Variants in NECAB1 observed in about 807,000 individuals in gnomAD.
NECAB1 encodes N-terminal EF-hand calcium binding protein 1, also known as N-terminal EF-hand calcium-binding protein 1.
A neutral mutation model predicts 57.5 loss-of-function variants in NECAB1; 29 were observed. The ratio of observed to expected loss-of-function variants is 0.50; its 90% CI spans 0.38 to 0.69. The LOEUF (loss-of-function observed/expected upper bound fraction) is 0.69, where lower values mean the gene tolerates loss of function less well. Ranked by LOEUF, NECAB1 falls within the 30% of genes least tolerant of loss-of-function variation. NECAB1 has a pLI of 0.00. For missense variants in NECAB1, 372 were observed against 413.8 expected (o/e 0.90, Z 0.88); for synonymous variants, 142 against 147.7 (o/e 0.96, Z 0.28).
intron 2 of NECAB1, chr8:90,813,166 C>T (rs796922118): frequency 3.3e-5 from 5 of 151,050 alleles, no homozygotes; most frequent in African/African-American, 1.2e-4. Flanking sequence ...CCAACCTGGG[C>T]GAAAGAGCGA....
chr8:90,923,590 C>T (rs1029614686), intron 6 of NECAB1, among the ~76,000 whole-genome samples: 4 of 152,076 alleles, frequency 2.6e-5, no homozygotes, highest in Non-Finnish European at 5.9e-5. Context: ...ATGGGGTCAA[C>T]CAAAAGGACA....
chr8:90,833,254 A>G (rs568918081), intron 3 of NECAB1, among the ~76,000 whole-genome samples: 5 of 151,912 alleles, frequency 3.3e-5, no homozygotes, highest in African/African-American at 9.7e-5. Context: ...TATTTTCTCT[A>G]TTGCTCTTCA....
chr8:90,848,721 A>G (rs1268853151), intron 3 of NECAB1, among the ~76,000 whole-genome samples: 1 of 152,172 alleles, frequency 6.6e-6, no homozygotes, highest in African/African-American at 2.4e-5. Flanking sequence ...GCAATGGCTC[A>G]TGTCTGTAAT....
At chr8:90,806,635 T>C (rs1341673306) in intron 2 of NECAB1, 2 of 152,250 alleles carry the variant, frequency 1.3e-5, no homozygotes, top group Non-Finnish European at 2.9e-5. Context: ...GAACATAGGC[T>C]TTGAGGTCAC....
At chr8:90,878,930 TAGTA>T (rs1209512894) in intron 4 of NECAB1, among the ~76,000 whole-genome samples, 75 of 147,862 alleles carry the variant, frequency 5.1e-4, no homozygotes, top group Middle Eastern at 3.6e-3. Flanking sequence ...TATATATATA[TAGTA>T]AGTATTTTCT....
At chr8:90,894,557 T>C (rs997063539) in intron 5 of NECAB1, among the ~76,000 whole-genome samples, 5 of 152,174 alleles carry the variant, frequency 3.3e-5, no homozygotes, top group East Asian at 1.9e-4. Flanking sequence ...ATATAATGCA[T>C]GTAGGGGGTC....
intron 2 of NECAB1, among the ~76,000 whole-genome samples, chr8:90,817,663 C>A (rs1324527348): frequency 1.3e-5 from 2 of 151,476 alleles, no homozygotes; most frequent in African/African-American, 4.8e-5. Context: ...AATTAAATTC[C>A]ACTTGATCTT....
intron 4 of NECAB1, among the ~76,000 whole-genome samples, chr8:90,879,078 TTA>T (rs1393035128): frequency 6.8e-5 from 9 of 132,262 alleles, no homozygotes; most frequent in South Asian, 2.1e-4. Flanking sequence ...ATAATATATA[TTA>T]TATATATTAT....
At chr8:90,910,367 T>G (rs954454889) in intron 5 of NECAB1, among the ~76,000 whole-genome samples, 13 of 152,170 alleles carry the variant, frequency 8.5e-5, no homozygotes, top group African/African-American at 2.9e-4. Context: ...GGATTTGACC[T>G]TAATAATTTT....
chr8:90,869,645 T>C (rs1287837472), intron 3 of NECAB1, among the ~76,000 whole-genome samples: 1 of 152,210 alleles, frequency 6.6e-6, no homozygotes, highest in Admixed American at 6.5e-5. Context: ...CGATTTCTCC[T>C]TTTTGGAATA....
chr8:90,838,817 C>T (rs1812411062), intron 3 of NECAB1, among the ~76,000 whole-genome samples: 1 of 152,196 alleles, frequency 6.6e-6, no homozygotes, highest in Non-Finnish European at 1.5e-5. Flanking sequence ...ACAGAAATCT[C>T]CCTTTCACAG....
chr8:90,904,452 T>A (rs1358312360), intron 5 of NECAB1, among the ~76,000 whole-genome samples: 1 of 151,798 alleles, frequency 6.6e-6, no homozygotes, highest in African/African-American at 2.4e-5. Flanking sequence ...TTGCTAAACA[T>A]TTAAAAAATA....
At chr8:90,871,989 A>G (rs1045268330) in intron 3 of NECAB1, 139 bp from the exon 4 acceptor site, 41 of 637,632 alleles carry the variant, frequency 6.4e-5, no homozygotes, top group Non-Finnish European at 3.0e-5. Context: ...ATAATGTAGA[A>G]TTTATAAGAG....
At chr8:90,931,477 T>C (rs971235385) in intron 8 of NECAB1, among the ~76,000 whole-genome samples, 2 of 152,220 alleles carry the variant, frequency 1.3e-5, no homozygotes, top group African/African-American at 2.4e-5. Context: ...TCTATGCATG[T>C]AGGGGAATAT....
In NECAB1 at chr8:90,957,590, T is replaced by C. The variant is rs1282842265; in HGVS notation, c.*2078T>C. The C allele has an allele frequency of 6.6e-6, 1 of 151,206 alleles. No individual in the cohort carries two copies. The highest frequency in any genetic ancestry group is 1.5e-5 in the Non-Finnish European group (1 of 67,642). 9.4% of individuals were successfully genotyped at this position (151,206 alleles called of 1,614,324 possible). On this transcript the variant is annotated 3_prime_UTR_variant, in exon 13 of 13. Transcript: ENST00000417640. ...TATTTTTGTGTATGTTTGTGAGAGT[T>C]GTATGTATGTGAATGTGTGTGAGTG...
At chr8:90,856,707 T>C (rs2129794690) in intron 3 of NECAB1, among the ~76,000 whole-genome samples, 1 of 152,316 alleles carries the variant, frequency 6.6e-6, no homozygotes, top group East Asian at 1.9e-4. Flanking sequence ...TTAAAAGAAC[T>C]ACAGGTCTAT....
chr8:90,945,801 C>T (rs932270399), intron 10 of NECAB1, among the ~76,000 whole-genome samples: 32 of 152,154 alleles, frequency 2.1e-4, no homozygotes, highest in Admixed American at 2.0e-3. Context: ...TCCCAAAGCT[C>T]GAGGTTGAAG....
intron 3 of NECAB1, among the ~76,000 whole-genome samples, chr8:90,840,279 C>T (rs574234392): frequency 6.6e-5 from 10 of 152,294 alleles, no homozygotes; most frequent in Admixed American, 4.6e-4. Context: ...TAACGGTTAA[C>T]GTTTACCATG....
At position 90,796,554 on chromosome 8, in the gene NECAB1, T is replaced by G. The variant is rs188703535; in HGVS notation, c.99+4569T>G. ...AACTTAAAGTGATGAATAAGGAATTTTAGTTGAGGCCATCAAAGAATATTT... is the reference window on the plus strand; with the variant it reads ...AACTTAAAGTGATGAATAAGGAATTGTAGTTGAGGCCATCAAAGAATATTT... On this transcript the variant is annotated intron_variant, in intron 1 of 12. Coordinates refer to ENST00000417640, the MANE Select transcript of NECAB1 (RefSeq NM_022351.5). Among the ~76,000 whole-genome samples, 416 of 152,354 alleles carry G rather than the reference T, an allele frequency of 2.7e-3. 1 individual carries two copies. Among genetic ancestry groups the G allele is most frequent in the African/African-American group, 9.1e-3 (379 of 41,592 alleles).
Sources: gnomAD v4.1 joint callset for allele counts (sites outside exome capture counted in the v4.1 genomes callset) on GRCh38, gnomAD v4.1.1 for gene constraint, MANE v1.5 for transcripts, NCBI Gene and HGNC (gene_info 2026-07-23, HGNC 2026-07-21) for gene names.